Variants in CTNND2 observed in about 807,000 individuals in gnomAD.
CTNND2 encodes catenin delta 2, also known as catenin delta-2.
In CTNND2, 22 loss-of-function variants were observed where a neutral mutation model predicts 144.4. The ratio of observed to expected loss-of-function variants is 0.15; its 90% CI spans 0.11 to 0.22. The LOEUF is 0.22. Among genes scored for constraint, CTNND2 ranks in the 10% least tolerant of loss-of-function variants. CTNND2 has a pLI of 1.00. For synonymous variants in CTNND2, 751 were observed against 695.6 expected (o/e 1.08, Z -1.25); for missense variants, 1,353 against 1,618.8 (o/e 0.84, Z 2.82).
At chr5:11,284,652 C>A (rs890393773) in intron 9 of CTNND2, among the ~76,000 whole-genome samples, 1 of 152,122 alleles carries the variant, frequency 6.6e-6, no homozygotes, top group African/African-American at 2.4e-5. Context: ...TTTTCTTTAT[C>A]CAGTTTATCA....
chr5:11,713,221 T>C (rs955650813), intron 2 of CTNND2, among the ~76,000 whole-genome samples: 1 of 152,140 alleles, frequency 6.6e-6, no homozygotes, highest in Non-Finnish European at 1.5e-5. Context: ...AATATTACTA[T>C]TATTAGAAGG....
intron 16 of CTNND2, among the ~76,000 whole-genome samples, chr5:11,039,552 CT>C (rs1243521726): frequency 1.3e-5 from 2 of 152,064 alleles, no homozygotes; most frequent in African/African-American, 4.8e-5. Flanking sequence ...CAAGAGATGC[CT>C]TGATTTTTTT....
At chr5:11,897,630 C>T (rs886107240) in intron 1 of CTNND2, among the ~76,000 whole-genome samples, 13 of 152,048 alleles carry the variant, frequency 8.5e-5, no homozygotes, top group African/African-American at 2.9e-4. Context: ...AGGGGAAGAA[C>T]GCCAAGGGTA....
chr5:11,402,614 G>A (rs943248249), intron 5 of CTNND2, among the ~76,000 whole-genome samples: 4 of 152,146 alleles, frequency 2.6e-5, no homozygotes, highest in Non-Finnish European at 4.4e-5. Flanking sequence ...CCTGATCTTC[G>A]TTAGTAACTT....
chr5:11,802,976 C>G (rs1039154397), intron 1 of CTNND2, among the ~76,000 whole-genome samples: 1 of 152,146 alleles, frequency 6.6e-6, no homozygotes, highest in Non-Finnish European at 1.5e-5. Flanking sequence ...GGGGAATATT[C>G]TCAAAAGTTT....
intron 3 of CTNND2, among the ~76,000 whole-genome samples, chr5:11,516,940 G>A (rs1772216219): frequency 6.6e-6 from 1 of 152,180 alleles, no homozygotes; most frequent in Admixed American, 6.6e-5. Flanking sequence ...AGTTGTTTAT[G>A]TAGTTACTAC....
chr5:11,825,980 G>A (rs189395984), intron 1 of CTNND2, among the ~76,000 whole-genome samples: 2 of 152,058 alleles, frequency 1.3e-5, no homozygotes, highest in East Asian at 1.9e-4. Context: ...GACATGCAAC[G>A]TAAGGCATAA....
chr5:11,597,565 T>A (rs1167790646), intron 2 of CTNND2, among the ~76,000 whole-genome samples: 3 of 152,178 alleles, frequency 2.0e-5, no homozygotes, highest in African/African-American at 7.2e-5. Context: ...CAATGAGCAG[T>A]CCGAATTAGG....
At chr5:11,448,078 G>C (rs1000069511) in intron 3 of CTNND2, among the ~76,000 whole-genome samples, 1 of 152,190 alleles carries the variant, frequency 6.6e-6, no homozygotes, top group African/African-American at 2.4e-5. Flanking sequence ...GGAAATGAAG[G>C]TGAAGGATGA....
intron 8 of CTNND2, among the ~76,000 whole-genome samples, chr5:11,349,323 C>T (rs1318764930): frequency 1.3e-5 from 2 of 152,148 alleles, no homozygotes; most frequent in African/African-American, 4.8e-5. Flanking sequence ...CTTTTGAGTG[C>T]TGGGCTCTGT....
intron 2 of CTNND2, among the ~76,000 whole-genome samples, chr5:11,611,923 AGCTCT>A (rs1282809596): frequency 1.3e-5 from 2 of 152,198 alleles, no homozygotes; most frequent in Admixed American, 6.5e-5. Context: ...CCAGACTCTG[AGCTCT>A]TTGAGGGCAA....
rs1392300446 is a variant in CTNND2, at chr5:11,472,945, A to T, written c.288-60876T>A. On this transcript the variant is annotated intron_variant, in intron 3 of 21. Coordinates refer to ENST00000304623, the MANE Select transcript of CTNND2 (RefSeq NM_001332.4). ...AAAAATTATTTGGGCATGGTGGCGC[A>T]TGCCTGTGGTCCTAGTTCAGGAGTC... Among the ~76,000 whole-genome samples the T allele has an allele frequency of 2.0e-5, 3 of 152,120 alleles. No individual in the cohort carries two copies. The East Asian group carries it at 5.8e-4, about 29-fold the overall frequency.
chr5:11,203,272 T>C (rs1459610530), intron 10 of CTNND2, among the ~76,000 whole-genome samples: 1 of 152,204 alleles, frequency 6.6e-6, no homozygotes, highest in Non-Finnish European at 1.5e-5. Flanking sequence ...CTTTATTTAT[T>C]CTCCCCCAAA....
At chr5:11,647,539 T>C (rs1720365592) in intron 2 of CTNND2, among the ~76,000 whole-genome samples, 1 of 151,882 alleles carries the variant, frequency 6.6e-6, no homozygotes, top group African/African-American at 2.4e-5. Flanking sequence ...AAGCCCCTTC[T>C]ATCTGCTTGT....
In CTNND2 at chr5:11,662,308, G is replaced by A. The variant is rs1783312207; in HGVS notation, c.174+69828C>T. Among the ~76,000 whole-genome samples the A allele has an allele frequency of 3.4e-5, 5 of 149,218 alleles. No homozygotes were observed. In the South Asian group the frequency reaches 8.4e-4, roughly 25 times the overall value. ...ATATATATAGACAGAGAGAGAGAGG[G>A]TTTATTAAGTAGTATTAACTCACAC... On this transcript the variant is annotated intron_variant, in intron 2 of 21. Coordinates refer to ENST00000304623, the MANE Select transcript of CTNND2 (RefSeq NM_001332.4).
intron 11 of CTNND2, among the ~76,000 whole-genome samples, chr5:11,160,173 T>C (rs1306786255): frequency 1.3e-5 from 2 of 152,198 alleles, no homozygotes; most frequent in Admixed American, 1.3e-4. Flanking sequence ...TGTGCACATG[T>C]GGTTGCCATG....
chr5:11,362,134 G>T (rs968331167), intron 8 of CTNND2, among the ~76,000 whole-genome samples: 1 of 152,102 alleles, frequency 6.6e-6, no homozygotes, highest in African/African-American at 2.4e-5. Flanking sequence ...TTAGAGTTCT[G>T]TATCAGTGGT....
intron 2 of CTNND2, among the ~76,000 whole-genome samples, chr5:11,712,946 T>C (rs562807518): frequency 6.6e-6 from 1 of 152,322 alleles, no homozygotes; most frequent in Admixed American, 6.5e-5. Context: ...TTTGATAATA[T>C]AGTCATTCAT....
intron 2 of CTNND2, among the ~76,000 whole-genome samples, chr5:11,725,609 G>A (rs4505947): frequency 0.33 from 50,037 of 151,864 alleles, 12,132 homozygotes; most frequent in African/African-American, 0.69. Context: ...TAGTGGGGGG[G>A]AAAAGCACTG....
Sources: gnomAD v4.1 joint callset for allele counts (sites outside exome capture counted in the v4.1 genomes callset) on GRCh38, gnomAD v4.1.1 for gene constraint, MANE v1.5 for transcripts, NCBI Gene and HGNC (gene_info 2026-07-23, HGNC 2026-07-21) for gene names.